Variants in PREX2 observed in about 807,000 individuals in gnomAD.
PREX2 encodes phosphatidylinositol 3,4,5-trisphosphate-dependent Rac exchanger 2 protein.
PREX2 carries 107 observed loss-of-function variants against 203.2 expected under a neutral mutation model. The ratio of observed to expected loss-of-function variants is 0.53; its 90% CI spans 0.45 to 0.62. PREX2 has a LOEUF of 0.62. PREX2 is among the 20% of genes least tolerant of loss of function. The pLI, the probability that PREX2 is intolerant of heterozygous loss-of-function variation, is 0.00. For synonymous variants in PREX2, 672 were observed against 663.6 expected (o/e 1.01, Z -0.19); for missense variants, 1,777 against 1,955.9 (o/e 0.91, Z 1.72).
At chr8:68,171,537 A>G (rs1811877261) in intron 35 of PREX2, among the ~76,000 whole-genome samples, 2 of 152,116 alleles carry the variant, frequency 1.3e-5, no homozygotes, top group African/African-American at 2.4e-5. Context: ...GAAGAATGCC[A>G]TGGACTTACT....
chr8:68,193,659 G>A (rs1812339818), intron 37 of PREX2, among the ~76,000 whole-genome samples: 1 of 152,134 alleles, frequency 6.6e-6, no homozygotes, highest in African/African-American at 2.4e-5. Context: ...TCAAGAACAA[G>A]AAGACATAAA....
At chr8:68,021,432 G>T (rs1807565443) in intron 3 of PREX2, among the ~76,000 whole-genome samples, 1 of 152,046 alleles carries the variant, frequency 6.6e-6, no homozygotes, top group African/African-American at 2.4e-5. Context: ...GTGTCCTCAG[G>T]GTCTCTCATT....
rs191997731 is a variant in PREX2 at position 68,154,877 on chromosome 8, C to T, written c.4232-2445C>T. Among the ~76,000 whole-genome samples, 440 of 152,184 alleles carry T rather than the reference C, an allele frequency of 2.9e-3. 1 individual carries two copies. The highest frequency in any genetic ancestry group is 5.0e-3 in the Non-Finnish European group (343 of 68,006). On this transcript the variant is annotated intron_variant, in intron 34 of 39. Coordinates refer to ENST00000288368, the MANE Select transcript of PREX2 (RefSeq NM_024870.4). The stretch of plus-strand genomic sequence containing the variant: ...ATACTTATATACCCTTCTTCATAGG[C>T]GATGGGAGAGGTGGGGAATGTAGGA...
At chr8:67,971,054 T>C (rs1045079084) in intron 1 of PREX2, among the ~76,000 whole-genome samples, 1 of 151,774 alleles carries the variant, frequency 6.6e-6, no homozygotes, top group African/African-American at 2.4e-5. Flanking sequence ...CATTGAAGAG[T>C]AGGTGCAGGG....
At chr8:68,097,477 A>G (rs1046434177) in intron 22 of PREX2, among the ~76,000 whole-genome samples, 10 of 152,086 alleles carry the variant, frequency 6.6e-5, no homozygotes, top group African/African-American at 2.4e-4. Context: ...GGCATGCACC[A>G]CCATGCCCAG....
At chr8:68,074,052 C>T (rs529912687) in intron 14 of PREX2, among the ~76,000 whole-genome samples, 133 of 151,890 alleles carry the variant, frequency 8.8e-4, no homozygotes, top group African/African-American at 3.0e-3. Flanking sequence ...CTGCAACTTT[C>T]GCCTCTGGGG....
chr8:68,168,329 A>G (rs1352582599), intron 35 of PREX2, among the ~76,000 whole-genome samples: 1 of 152,204 alleles, frequency 6.6e-6, no homozygotes, highest in East Asian at 1.9e-4. Flanking sequence ...ATCTTTTATT[A>G]AAAAACAGAA....
intron 25 of PREX2, among the ~76,000 whole-genome samples, chr8:68,110,602 CTT>C (rs1429505817): frequency 6.6e-6 from 1 of 151,866 alleles, no homozygotes; most frequent in African/African-American, 2.4e-5. Flanking sequence ...GATGTGAACT[CTT>C]TTAACTTCAC....
chr8:67,981,695 C>T (rs1232317158), intron 1 of PREX2, among the ~76,000 whole-genome samples: 1 of 152,186 alleles, frequency 6.6e-6, no homozygotes, highest in African/African-American at 2.4e-5. Context: ...TTTAACACCA[C>T]TAGAAGACAT....
Position 67,952,484 on chromosome 8 carries a change from G to A in PREX2, c.90G>A (p.Glu30=), listed in dbSNP as rs909213600. The change falls in exon 1 of 40, where the codon GAG becomes GAA. Residue 30 remains glutamate (E), a synonymous_variant. Transcript: ENST00000288368. ...GCCTGCGCGTGTGCGTGCTCAGCGA[G>A]CTCCAGAAGACCGAGCGGGACTATG... is the stretch of plus-strand genomic sequence containing the variant. ...QLRLRVCVLS[E]LQKTERDYVG... 6.8e-6 allele frequency: 11 copies of A among 1,607,748 alleles called. No homozygotes were observed. The highest frequency in any genetic ancestry group is 9.3e-6 in the Non-Finnish European group (11 of 1,177,298).
chr8:68,199,834 C>A (rs1235566341), intron 37 of PREX2, among the ~76,000 whole-genome samples: 1 of 152,186 alleles, frequency 6.6e-6, no homozygotes, highest in Non-Finnish European at 1.5e-5. Flanking sequence ...TTAGGTAATG[C>A]AGAATCTTTT....
chr8:68,087,616 T>A (rs1233884323), intron 18 of PREX2, 108 bp from the exon 19 acceptor site: 6 of 835,720 alleles, frequency 7.2e-6, no homozygotes, highest in Non-Finnish European at 1.2e-5. Context: ...TTTCACACTG[T>A]AGATCCTCAA....
At chr8:67,953,172 T>G in intron 1 of PREX2, among the ~76,000 whole-genome samples, 1 of 61,104 alleles carries the variant, frequency 1.6e-5, no homozygotes, top group Non-Finnish European at 3.4e-5. Flanking sequence ...TACAATTCCC[T>G]CCCCCCCGCC....
At chr8:67,956,484 G>A (rs1264156607) in intron 1 of PREX2, among the ~76,000 whole-genome samples, 1 of 152,232 alleles carries the variant, frequency 6.6e-6, no homozygotes, top group Non-Finnish European at 1.5e-5. Context: ...TGATGGGACG[G>A]TGGACATGAG....
intron 35 of PREX2, among the ~76,000 whole-genome samples, chr8:68,175,069 C>T (rs957616435): frequency 3.3e-5 from 5 of 152,174 alleles, no homozygotes; most frequent in Non-Finnish European, 7.3e-5. Flanking sequence ...CTACCGAACG[C>T]CATGGCTGGT....
At chr8:68,175,233 A>C (rs1033641161) in intron 35 of PREX2, among the ~76,000 whole-genome samples, 1 of 152,080 alleles carries the variant, frequency 6.6e-6, no homozygotes, top group Non-Finnish European at 1.5e-5. Context: ...AAAACAATAC[A>C]ATCCAAGGCA....
At chr8:67,968,967 CTCTGTAACAGAATT>C (rs1184946532) in intron 1 of PREX2, among the ~76,000 whole-genome samples, 16 of 152,188 alleles carry the variant, frequency 1.1e-4, no homozygotes, top group Non-Finnish European at 2.1e-4. Context: ...ACTCCTTGAA[CTCTGTAACAGAATT>C]TTCAATCCAT....
chr8:68,143,845 C>A (rs1811273297), intron 33 of PREX2, among the ~76,000 whole-genome samples: 1 of 152,028 alleles, frequency 6.6e-6, no homozygotes, highest in Non-Finnish European at 1.5e-5. Flanking sequence ...GTCTATAATT[C>A]ATTTTGGGTT....
intron 1 of PREX2, among the ~76,000 whole-genome samples, chr8:67,988,787 G>A (rs929597149): frequency 2.6e-5 from 4 of 152,194 alleles, no homozygotes; most frequent in African/African-American, 9.7e-5. Context: ...ATGACAAGAA[G>A]GTGGTGGGGA....
Sources: allele counts gnomAD v4.1 joint callset (sites outside exome capture counted in the v4.1 genomes callset), GRCh38; gene constraint gnomAD v4.1.1; transcripts MANE v1.5; gene names NCBI Gene and HGNC (gene_info 2026-07-23, HGNC 2026-07-21).